The following ZAP70 variants were observed in gnomAD, a reference collection of about 807,000 sequenced individuals.
ZAP70 encodes the protein zeta chain of T cell receptor associated protein kinase 70, also known as tyrosine-protein kinase ZAP-70.
ZAP70 carries 27 observed loss-of-function variants against 65.8 expected under a neutral mutation model. The observed-to-expected ratio is 0.41, with a 90% CI of 0.30 to 0.57. The LOEUF (loss-of-function observed/expected upper bound fraction) is 0.57, where lower values mean the gene tolerates loss of function less well. Among genes scored for constraint, ZAP70 ranks in the 20% least tolerant of loss-of-function variants. ZAP70 has a pLI of 0.28. For synonymous variants in ZAP70, 363 were observed against 360.8 expected (o/e 1.01, Z -0.07); for missense variants, 696 against 870.5 (o/e 0.80, Z 2.52).
At chr2:97,750,938 A>G in the ZAP70 span, among the ~76,000 whole-genome samples, 1 of 152,186 alleles carries the variant, frequency 6.6e-6, no homozygotes, top group Admixed American at 6.5e-5. Flanking sequence ...CTCTCTCTCT[A>G]GTCGTTTTAT....
At chr2:97,717,949 C>T (rs903749735) in intron 2 of ZAP70, among the ~76,000 whole-genome samples, 1 of 152,140 alleles carries the variant, frequency 6.6e-6, no homozygotes, top group African/African-American at 2.4e-5. Flanking sequence ...GGGCAGGTGC[C>T]CCGTGGCTGC....
At chr2:97,727,195 C>A (rs1217602962) in intron 4 of ZAP70, among the ~76,000 whole-genome samples, 1 of 152,264 alleles carries the variant, frequency 6.6e-6, no homozygotes, top group Non-Finnish European at 1.5e-5. Context: ...CAAAGCAAGT[C>A]ATACGACCAA....
chr2:97,725,021 G>A (rs1677324188), intron 3 of ZAP70, 71 bp from the exon 4 acceptor site: 1 of 1,598,854 alleles, frequency 6.3e-7, no homozygotes. Context: ...CTGGGACAGG[G>A]CTCCCGGAAG....
intron 4 of ZAP70, 57 bp downstream of exon 4, chr2:97,725,309 C>T: frequency 6.3e-7 from 1 of 1,597,748 alleles, no homozygotes; most frequent in African/African-American, 1.3e-5. Flanking sequence ...GGCAGGGATC[C>T]TGGGGACTGG....
At chr2:97,728,732 G>C (rs970231788) in intron 4 of ZAP70, among the ~76,000 whole-genome samples, 2 of 152,116 alleles carry the variant, frequency 1.3e-5, no homozygotes, top group African/African-American at 4.8e-5. Flanking sequence ...TCCTGGAAAG[G>C]GCCTTTAAGA....
Position 97,734,505 on chromosome 2 carries a change from G to T in ZAP70, c.890-15G>T, listed in dbSNP as rs199612427. On this transcript the variant is annotated splice_polypyrimidine_tract_variant and intron_variant, in intron 8 of 13. Transcript: ENST00000264972. Reference sequence around the variant, plus strand: ...CCTGCCCCTGACCTGGGAGTGTACCGCTGTGTGTGCCCAGCACGCATAACG... The same window carrying T: ...CCTGCCCCTGACCTGGGAGTGTACCTCTGTGTGTGCCCAGCACGCATAACG... The T allele has an allele frequency of 2.5e-6, 4 of 1,611,516 alleles. No homozygotes were observed. The highest frequency in any genetic ancestry group is 3.4e-6 in the Non-Finnish European group (4 of 1,179,086).
chr2:97,738,292 C>T, intron 13 of ZAP70, 185 bp downstream of exon 13: 1 of 663,246 alleles, frequency 1.5e-6, no homozygotes, highest in Non-Finnish European at 2.7e-6. Context: ...GTTTGCTGTC[C>T]TGCTCCAGTG....
intron 4 of ZAP70, among the ~76,000 whole-genome samples, chr2:97,730,492 C>T (rs1400169596): frequency 6.6e-6 from 1 of 152,160 alleles, no homozygotes. Flanking sequence ...AGCTTGGACT[C>T]ATTCCCATGG....
downstream of ZAP70, among the ~76,000 whole-genome samples, chr2:97,741,710 TAGAA>T (rs1255504356): frequency 6.6e-6 from 1 of 152,238 alleles, no homozygotes; most frequent in Non-Finnish European, 1.5e-5. Context: ...TTACAATTCT[TAGAA>T]AGGTTTTCCA....
downstream of ZAP70, among the ~76,000 whole-genome samples, chr2:97,741,512 A>G (rs1185697049): frequency 9.8e-5 from 11 of 112,300 alleles, no homozygotes; most frequent in Admixed American, 7.0e-4. Flanking sequence ...CGTCCCCCCC[A>G]GGTGATGTCC....
intron 2 of ZAP70, among the ~76,000 whole-genome samples, chr2:97,714,321 G>A (rs551384387): frequency 3.2e-4 from 49 of 152,340 alleles, no homozygotes; most frequent in African/African-American, 1.1e-3. Context: ...CAGAGAAAGC[G>A]CATGTGCACT....
downstream of ZAP70, among the ~76,000 whole-genome samples, chr2:97,741,414 C>A (rs1678126475): frequency 1.3e-5 from 2 of 152,072 alleles, no homozygotes; most frequent in Admixed American, 6.5e-5. Context: ...CGGTGATGTC[C>A]CCTAGGAAAG....
chr2:97,752,618 T>G, the ZAP70 span, among the ~76,000 whole-genome samples: 1 of 152,250 alleles, frequency 6.6e-6, no homozygotes, highest in Non-Finnish European at 1.5e-5. Flanking sequence ...AGTCTTTGTA[T>G]TTGAATGACC....
the ZAP70 span, among the ~76,000 whole-genome samples, chr2:97,745,760 A>T: frequency 1.3e-5 from 2 of 152,200 alleles, no homozygotes; most frequent in Admixed American, 1.3e-4. Context: ...ATGTTTCCCT[A>T]CAAGGCTAAA....
the ZAP70 span, among the ~76,000 whole-genome samples, chr2:97,747,076 G>A: frequency 6.6e-6 from 1 of 152,228 alleles, no homozygotes; most frequent in South Asian, 2.1e-4. Flanking sequence ...GGGAGTGGAT[G>A]TGGAGAAGTC....
chr2:97,729,104 C>T (rs1381593852), intron 4 of ZAP70, among the ~76,000 whole-genome samples: 1 of 152,212 alleles, frequency 6.6e-6, no homozygotes, highest in African/African-American at 2.4e-5. Context: ...TGGAATCCTA[C>T]TGACTGCTCC....
Position 97,725,077 on chromosome 2 carries a change from C to T in ZAP70, c.403-15C>T. The T allele has an allele frequency of 6.2e-7, 1 of 1,613,738 alleles. No homozygotes were observed. Among genetic ancestry groups the T allele is most frequent in the South Asian group, 1.1e-5 (1 of 91,068 alleles). ...TTGGCCACACCTACAGACCTCCTCGCCTCTCCTTTTCTAGGGCGAGGCCCT... is the reference window on the plus strand; with the variant it reads ...TTGGCCACACCTACAGACCTCCTCGTCTCTCCTTTTCTAGGGCGAGGCCCT... On this transcript the variant is annotated splice_polypyrimidine_tract_variant and intron_variant, in intron 3 of 13. Transcript: ENST00000264972.
chr2:97,745,480 A>C, the ZAP70 span, among the ~76,000 whole-genome samples: 1 of 152,286 alleles, frequency 6.6e-6, no homozygotes, highest in Non-Finnish European at 1.5e-5. Flanking sequence ...CAACAAAAAA[A>C]TATCCAACTC....
At chr2:97,734,277 A>C (rs1677747564) in intron 8 of ZAP70, 2 of 1,150,492 alleles carry the variant, frequency 1.7e-6, no homozygotes, top group African/African-American at 3.1e-5. Context: ...TGCCACGTGG[A>C]TACCAATGCA....
Sources: gnomAD v4.1 joint callset for allele counts (sites outside exome capture counted in the v4.1 genomes callset) on GRCh38, gnomAD v4.1.1 for gene constraint, MANE v1.5 for transcripts, NCBI Gene and HGNC (gene_info 2026-07-23, HGNC 2026-07-21) for gene names.